Variants in ARHGEF26 observed in about 807,000 individuals in gnomAD.
ARHGEF26 encodes the protein Rho guanine nucleotide exchange factor (GEF) 26.
ARHGEF26 carries 59 observed loss-of-function variants against 89.4 expected under a neutral mutation model. The observed-to-expected ratio is 0.66, with a 90% CI of 0.54 to 0.82. ARHGEF26 has a LOEUF of 0.82. Among genes scored for constraint, ARHGEF26 ranks in the 40% least tolerant of loss-of-function variants. The pLI is 0.00. For synonymous variants in ARHGEF26, 500 were observed against 428.4 expected (o/e 1.17, Z -2.06); for missense variants, 1,234 against 1,085.6 (o/e 1.14, Z -1.92).
At chr3:154,141,348 A>C (rs1481030549) in intron 4 of ARHGEF26, among the ~76,000 whole-genome samples, 1 of 152,216 alleles carries the variant, frequency 6.6e-6, no homozygotes, top group East Asian at 1.9e-4. Flanking sequence ...TCCTTGAGAA[A>C]GAGAATTATA....
At chr3:154,138,618 TC>T (rs1719165150) in intron 4 of ARHGEF26, among the ~76,000 whole-genome samples, 1 of 152,152 alleles carries the variant, frequency 6.6e-6, no homozygotes, top group South Asian at 2.1e-4. Context: ...TGACAGGTGC[TC>T]CAAGAAAGCA....
At chr3:154,140,737 CG>C (rs1719317326) in intron 4 of ARHGEF26, among the ~76,000 whole-genome samples, 1 of 151,560 alleles carries the variant, frequency 6.6e-6, no homozygotes, top group Admixed American at 6.6e-5. Context: ...CACGCCACCA[CG>C]CCCGGCTAAT....
At chr3:154,208,112 G>A (rs1330798436) in intron 9 of ARHGEF26, among the ~76,000 whole-genome samples, 1 of 152,170 alleles carries the variant, frequency 6.6e-6, no homozygotes, top group Admixed American at 6.5e-5. Context: ...GGTGGGAGGA[G>A]GGAGTGAATT....
At chr3:154,133,940 A>AT (rs1183750436) in intron 4 of ARHGEF26, among the ~76,000 whole-genome samples, 1 of 151,954 alleles carries the variant, frequency 6.6e-6, no homozygotes, top group South Asian at 2.1e-4. Flanking sequence ...TAGGTATCTT[A>AT]TTTTTTTGTG....
chr3:154,201,229 C>T (rs142187638), intron 9 of ARHGEF26, among the ~76,000 whole-genome samples: 130 of 150,936 alleles, frequency 8.6e-4, no homozygotes, highest in Non-Finnish European at 1.6e-3. Context: ...GTTCAATTCC[C>T]ACCTAAGAGT....
chr3:154,132,632 A>G (rs1005910509), intron 4 of ARHGEF26, among the ~76,000 whole-genome samples: 14 of 152,104 alleles, frequency 9.2e-5, no homozygotes, highest in African/African-American at 2.9e-4. Context: ...CTATTTCTCT[A>G]TCTGACCCCT....
chr3:154,122,311 C>G lies in ARHGEF26; in HGVS notation c.319C>G (p.Arg107Gly). 1.2e-6 allele frequency: 2 copies of G among 1,612,792 alleles called. No individual in the cohort carries two copies. Among genetic ancestry groups the G allele is most frequent in the South Asian group, 1.1e-5 (1 of 91,070 alleles). ...CCCGGAGTACAGGGCTGCCTCTCCTCGACTTCGACGGCCCAAGTCACCCAA... is the reference window on the plus strand; with the variant it reads ...CCCGGAGTACAGGGCTGCCTCTCCTGGACTTCGACGGCCCAAGTCACCCAA... Reference protein sequence around the residue: ...ASPEYRAASPRLRRPKSPKLP... With the variant: ...ASPEYRAASPGLRRPKSPKLP... The change falls in exon 2 of 15, where the codon CGA becomes GGA. Residue 107 changes from arginine to glycine, a missense_variant. Coordinates refer to ENST00000465093, the MANE Select transcript of ARHGEF26 (RefSeq NM_015595.4).
intron 9 of ARHGEF26, among the ~76,000 whole-genome samples, chr3:154,195,768 G>A (rs1714252922): frequency 6.6e-6 from 1 of 152,148 alleles, no homozygotes; most frequent in African/African-American, 2.4e-5. Context: ...TGGAGACATG[G>A]ATTTGGGAAT....
At chr3:154,254,123 GC>G (rs1255288681) in intron 13 of ARHGEF26, among the ~76,000 whole-genome samples, 1 of 152,064 alleles carries the variant, frequency 6.6e-6, no homozygotes. Context: ...CACCGTGTTA[GC>G]CAGGATGGTC....
intron 4 of ARHGEF26, among the ~76,000 whole-genome samples, chr3:154,140,560 GCTC>G (rs1367357403): frequency 6.7e-6 from 1 of 149,188 alleles, no homozygotes; most frequent in Non-Finnish European, 1.5e-5. Flanking sequence ...TTTCCTGAAA[GCTC>G]CTGAATACTC....
chr3:154,125,192 A>G (rs1455555373), intron 3 of ARHGEF26, among the ~76,000 whole-genome samples: 1 of 152,198 alleles, frequency 6.6e-6, no homozygotes. Context: ...CCTTCAAAGA[A>G]TAATAAAGAA....
intron 11 of ARHGEF26, among the ~76,000 whole-genome samples, chr3:154,229,503 G>C (rs1576806147): frequency 6.6e-6 from 1 of 152,174 alleles, no homozygotes; most frequent in South Asian, 2.1e-4. Flanking sequence ...TGAACACTTT[G>C]GTATTTGAAG....
chr3:154,208,939 G>C (rs1018849012), intron 9 of ARHGEF26, among the ~76,000 whole-genome samples: 4 of 151,580 alleles, frequency 2.6e-5, no homozygotes, highest in Non-Finnish European at 5.9e-5. Flanking sequence ...CTAATTTTTT[G>C]TATTTTTAGT....
At position 154,167,124 on chromosome 3, in the gene ARHGEF26, T is replaced by G. The variant is rs75565519; in HGVS notation, c.1487+14192T>G. Among the ~76,000 whole-genome samples the G allele has an allele frequency of 3.3e-3, 500 of 152,318 alleles. 1 individual carries two copies. Among genetic ancestry groups the G allele is most frequent in the African/African-American group, 0.011 (474 of 41,574 alleles). ...GGAACTTTAAATGAATAGGTCCACA[T>G]GAGTTATGGACTTTATTGTGAAAAT... On this transcript the variant is annotated intron_variant, in intron 6 of 14. Transcript: ENST00000465093.
chr3:154,165,351 TTATTAA>T (rs1317863676), intron 6 of ARHGEF26, among the ~76,000 whole-genome samples: 1 of 152,194 alleles, frequency 6.6e-6, no homozygotes, highest in Non-Finnish European at 1.5e-5. Flanking sequence ...GGATATCATT[TTATTAA>T]TATTTCAGAG....
rs753558993 is a variant in ARHGEF26 at position 154,255,359 on chromosome 3, T to C, written c.2502T>C (p.Asp834=). The change falls in exon 15 of 15, where the codon GAT becomes GAC. Residue 834 remains aspartate, a synonymous_variant. Transcript: ENST00000465093. ...GGTATGAGGGGGAACGACTACGAGA[T>C]GGAGAAAGAGGCTGGTTTCCTATGG... ...DGWYEGERLR[D]GERGWFPMEC... 2 of 1,612,890 alleles carry C rather than the reference T, an allele frequency of 1.2e-6. No homozygotes were observed. Among genetic ancestry groups the C allele is most frequent in the Non-Finnish European group, 1.7e-6 (2 of 1,179,656 alleles).
chr3:154,211,499 C>T (rs1187848182), intron 9 of ARHGEF26, among the ~76,000 whole-genome samples: 2 of 133,796 alleles, frequency 1.5e-5, no homozygotes, highest in African/African-American at 5.6e-5. Context: ...CAACATGCCG[C>T]TGCTGTAGGA....
chr3:154,217,011 T>G (rs1164200054), intron 9 of ARHGEF26, among the ~76,000 whole-genome samples: 3 of 138,988 alleles, frequency 2.2e-5, no homozygotes, highest in Non-Finnish European at 4.6e-5. Flanking sequence ...ACATGTGTCT[T>G]TATAGCAGCA....
chr3:154,225,916 G>A lies in ARHGEF26; in HGVS notation c.1996G>A (p.Val666Ile), dbSNP rs757005704. 6.2e-7 allele frequency: 1 copy of A among 1,612,424 alleles called. No individual in the cohort carries two copies. Among genetic ancestry groups the A allele is most frequent in the Non-Finnish European group, 8.5e-7 (1 of 1,179,140 alleles). The change falls in exon 11 of 15, where the codon GTT (valine) becomes ATT (isoleucine). Residue 666 changes from valine to isoleucine, a missense_variant. Physicochemically the swap from Val to Ile is conservative, Grantham distance 29 (BLOSUM62 3). Transcript: ENST00000465093. Reference sequence around the variant, plus strand: ...AAAAAGAGGTGAATTGACAGCCTATGTTGAAGACACTGTGCTTTTCTCAAG... The same window carrying A: ...AAAAAGAGGTGAATTGACAGCCTATATTGAAGACACTGTGCTTTTCTCAAG... Reference protein sequence around the residue: ...LVKRGELTAYVEDTVLFSRRT... With the variant: ...LVKRGELTAYIEDTVLFSRRT...
Sources: gnomAD v4.1 joint callset for allele counts (sites outside exome capture counted in the v4.1 genomes callset) on GRCh38, gnomAD v4.1.1 for gene constraint, MANE v1.5 for transcripts, NCBI Gene and HGNC (gene_info 2026-07-23, HGNC 2026-07-21) for gene names.